Variants in STMN3 observed in about 807,000 individuals in gnomAD.
The protein encoded by STMN3 is stathmin-3.
STMN3 carries 24 observed loss-of-function variants against 23.2 expected under a neutral mutation model. That is an observed-to-expected ratio of 1.03 (90% CI 0.75 to 1.45). The LOEUF is 1.45. STMN3 is among the 40% of genes most tolerant of loss of function. STMN3 has a pLI of 0.00. For synonymous variants in STMN3, 117 were observed against 103.4 expected, an observed-to-expected ratio of 1.13 and a Z score of -0.80; for missense variants, 235 against 237.6, an observed-to-expected ratio of 0.99 and a Z score of 0.07.
chr20:63,651,526 A>C (rs2089858718), intron 1 of STMN3, among the ~76,000 whole-genome samples: 1 of 152,184 alleles, frequency 6.6e-6, no homozygotes, highest in Non-Finnish European at 1.5e-5. Flanking sequence ...TCATGGTGCC[A>C]GGAGCACAGC....
intron 1 of STMN3, among the ~76,000 whole-genome samples, chr20:63,649,037 A>G (rs2089838474): frequency 6.6e-6 from 1 of 152,132 alleles, no homozygotes; most frequent in African/African-American, 2.4e-5. Flanking sequence ...CACGTGTCCA[A>G]CTGAGAGGTG....
chr20:63,644,272 C>G lies in STMN3; in HGVS notation c.57G>C (p.Ser19=). Residue 19 remains serine (S), a synonymous_variant, in exon 2 of 5, where the codon TCG becomes TCC. Coordinates refer to ENST00000370053, the MANE Select transcript of STMN3 (RefSeq NM_015894.4). The part of the protein sequence containing the change: ...KEKMKELSVL[S]LICSCFYTQP... ...GTGTGTAGAAGCAGGAGCAGATGAGCGACAGCACCGACAGCTCCTTCATCT... is the reference window on the plus strand; with the variant it reads ...GTGTGTAGAAGCAGGAGCAGATGAGGGACAGCACCGACAGCTCCTTCATCT... The G allele has an allele frequency of 6.2e-7, 1 of 1,613,558 alleles. No homozygotes were observed. The highest frequency in any genetic ancestry group is 8.5e-7 in the Non-Finnish European group (1 of 1,179,882).
intron 1 of STMN3, among the ~76,000 whole-genome samples, chr20:63,646,914 C>T (rs1323218442): frequency 6.6e-6 from 1 of 151,778 alleles, no homozygotes; most frequent in Non-Finnish European, 1.5e-5. Flanking sequence ...CCACCACACC[C>T]GGCTAATTTT....
chr20:63,651,959 A>G (rs1211421269), intron 1 of STMN3, among the ~76,000 whole-genome samples: 1 of 152,140 alleles, frequency 6.6e-6, no homozygotes, highest in Non-Finnish European at 1.5e-5. Flanking sequence ...GCGGCCCTGG[A>G]GAGGACGGCG....
At chr20:63,646,209 C>T (rs990468116) in intron 1 of STMN3, among the ~76,000 whole-genome samples, 2 of 151,828 alleles carry the variant, frequency 1.3e-5, no homozygotes, top group Non-Finnish European at 2.9e-5. Context: ...TGGGCAGGCC[C>T]GTGCGAGAGC....
chr20:63,647,936 A>ATG (rs1555897526), intron 1 of STMN3, among the ~76,000 whole-genome samples: 3,581 of 80,820 alleles, frequency 0.044, 416 homozygotes, highest in African/African-American at 0.16. Flanking sequence ...ATACGTATAT[A>ATG]TGTGTGTGTG....
In STMN3 at chr20:63,643,864, AGGG is replaced by A. The variant is rs760555069; in HGVS notation, c.180_182del (p.Pro61del). 6.3e-7 allele frequency: 1 copy of A among 1,588,492 alleles called. No homozygotes were observed. The highest frequency in any genetic ancestry group is 1.2e-5 in the South Asian group (1 of 86,868). ...TAGGGCTCTCTGGGGACAGGTCAGA[AGGG>A]GACTTGAGGATGACCTCGAAGCTCT... is the stretch of plus-strand genomic sequence containing the variant. On this transcript the variant is annotated inframe_deletion, in exon 3 of 5. Coordinates refer to ENST00000370053, the MANE Select transcript of STMN3 (RefSeq NM_015894.4).
At chr20:63,653,204 T>G in intron 1 of STMN3, 123 bp downstream of exon 1, 2 of 1,302,900 alleles carry the variant, frequency 1.5e-6, no homozygotes, top group Non-Finnish European at 2.1e-6. Context: ...GGCCCAGGCT[T>G]GCAACGCGCA....
chr20:63,647,950 A>C (rs111753668), intron 1 of STMN3, among the ~76,000 whole-genome samples: 1 of 36,922 alleles, frequency 2.7e-5, no homozygotes, highest in Admixed American at 3.4e-4. Flanking sequence ...GTGTGTGTGT[A>C]TATATATATG....
rs142919882 is a variant in STMN3 at position 63,641,416 on chromosome 20, G to C, written c.484-19C>G. 3.2e-4 allele frequency: 504 copies of C among 1,554,110 alleles called. 2 individuals carry two copies. The African/African-American group carries it at 6.4e-3, about 20-fold the overall frequency. ...GCAGCTCCTGCAGGACAGGGGGCGG[G>C]AGGGCCTGAGGGCGGGGGTGGCTTG... On this transcript the variant is annotated intron_variant, in intron 4 of 4. Coordinates refer to ENST00000370053, the MANE Select transcript of STMN3 (RefSeq NM_015894.4).
At chr20:63,648,392 A>G (rs1601061718) in intron 1 of STMN3, among the ~76,000 whole-genome samples, 1 of 152,248 alleles carries the variant, frequency 6.6e-6, no homozygotes, top group East Asian at 1.9e-4. Context: ...CCCTATCAGC[A>G]GACTCCAGGC....
At chr20:63,641,728 G>A (rs1222837770) in intron 4 of STMN3, among the ~76,000 whole-genome samples, 3 of 152,154 alleles carry the variant, frequency 2.0e-5, no homozygotes, top group African/African-American at 7.2e-5. Context: ...CTCTGGACCT[G>A]CCTCGTGCGC....
chr20:63,645,619 C>G (rs1225059789), intron 1 of STMN3, among the ~76,000 whole-genome samples: 1 of 152,224 alleles, frequency 6.6e-6, no homozygotes, highest in Non-Finnish European at 1.5e-5. Context: ...AACCTCATTC[C>G]TAAGCAGACA....
chr20:63,647,960 G>GTGTATACATATATA (rs1424237875), intron 1 of STMN3, among the ~76,000 whole-genome samples: 3 of 53,360 alleles, frequency 5.6e-5, no homozygotes, highest in Admixed American at 2.3e-4. Context: ...ATATATATAT[G>GTGTATACATATATA]TATATATATA....
At position 63,652,289 on chromosome 20, in the gene STMN3, G is replaced by C. The variant is rs1339579257; in HGVS notation, c.19+1038C>G. The C allele has an allele frequency of 6.6e-6, 1 of 152,506 alleles. No individual in the cohort carries two copies. Among genetic ancestry groups the C allele is most frequent in the African/African-American group, 2.4e-5 (1 of 41,456 alleles). 9.4% of individuals were successfully genotyped at this position (152,506 alleles called of 1,614,324 possible). On this transcript the variant is annotated intron_variant, in intron 1 of 4. Transcript: ENST00000370053. The surrounding 1 kb of genome is among the most constrained non-coding windows in gnomAD (Gnocchi z 5.3). ...GGGACCGCGGCGACCTGTCCCGGGG[G>C]CGTAAGAAAAGGTGGGAGGGAGTGC...
At chr20:63,647,986 A>ATGTG (rs1194818224) in intron 1 of STMN3, among the ~76,000 whole-genome samples, 2 of 107,626 alleles carry the variant, frequency 1.9e-5, no homozygotes, top group Non-Finnish European at 3.8e-5. Context: ...ATATACATAT[A>ATGTG]TATATACAGA....
chr20:63,650,661 A>C (rs6010992), intron 1 of STMN3, among the ~76,000 whole-genome samples: 1 of 51,096 alleles, frequency 2.0e-5, no homozygotes. Context: ...CCTGACGCCC[A>C]CCCGGGTGGA....
Position 63,644,443 on chromosome 20 carries a change from T to C in STMN3, c.20-134A>G. The stretch of plus-strand genomic sequence containing the variant: ...TGCCCAGCACGCTCTCTTGTGTGTC[T>C]CCACACCGCCGGCCCCTTCGTCTCT... On this transcript the variant is annotated intron_variant, in intron 1 of 4. Transcript: ENST00000370053. The C allele has an allele frequency of 4.5e-6, 3 of 664,640 alleles. No individual in the cohort carries two copies. In the South Asian group the frequency reaches 5.3e-5, roughly 12 times the overall value. 41.2% of individuals were successfully genotyped at this position (664,640 alleles called of 1,614,324 possible).
chr20:63,642,360 TC>T, intron 3 of STMN3, 61 bp from the exon 4 acceptor site: 1 of 1,238,300 alleles, frequency 8.1e-7, no homozygotes, highest in Non-Finnish European at 1.0e-6. Context: ...GCCGGACTCC[TC>T]CCTGCTCTCC....
Sources: gnomAD v4.1 joint callset for allele counts (sites outside exome capture counted in the v4.1 genomes callset) on GRCh38, gnomAD v4.1.1 for gene constraint, Gnocchi (gnomAD v3.1) non-coding constraint, MANE v1.5 for transcripts, NCBI Gene and HGNC (gene_info 2026-07-23, HGNC 2026-07-21) for gene names.